The following PRKD1 variants were observed in gnomAD, a reference collection of about 807,000 sequenced individuals.
PRKD1 encodes the protein serine/threonine-protein kinase D1.
PRKD1 carries 63 observed loss-of-function variants against 95.9 expected under a neutral mutation model. The ratio of observed to expected loss-of-function variants is 0.66; its 90% confidence interval spans 0.54 to 0.81. The LOEUF is 0.81. Ranked by LOEUF, PRKD1 falls within the 30% of genes least tolerant of loss-of-function variation. The probability of loss-of-function intolerance (pLI) is 0.00; values close to 1 mark genes in which losing one functional copy is unlikely to be tolerated. For synonymous variants in PRKD1, 425 were observed against 423.1 expected (o/e 1.00, Z -0.05); for missense variants, 1,048 against 1,165.3 (o/e 0.90, Z 1.47).
chr14:29,703,314 T>C (rs917188368), intron 2 of PRKD1, among the ~76,000 whole-genome samples: 1 of 152,178 alleles, frequency 6.6e-6, no homozygotes, highest in African/African-American at 2.4e-5. Context: ...TCCACTTCAA[T>C]TGTACTAAGC....
chr14:29,596,925 T>C (rs1893328915), intron 16 of PRKD1, among the ~76,000 whole-genome samples: 1 of 152,118 alleles, frequency 6.6e-6, no homozygotes, highest in African/African-American at 2.4e-5. Flanking sequence ...GTCAAGGTAA[T>C]CTATTCTAAA....
At chr14:29,813,593 C>T (rs537318970) in intron 1 of PRKD1, among the ~76,000 whole-genome samples, 3 of 152,276 alleles carry the variant, frequency 2.0e-5, no homozygotes, top group East Asian at 1.9e-4. Context: ...GAGACAGACA[C>T]TACCCAAAGA....
chr14:29,778,286 C>T (rs1423683494), intron 1 of PRKD1, among the ~76,000 whole-genome samples: 2 of 151,922 alleles, frequency 1.3e-5, no homozygotes, highest in Non-Finnish European at 1.5e-5. Context: ...TAACTAAGAT[C>T]GGAGCAGAAA....
chr14:29,752,946 G>A lies in PRKD1; in HGVS notation c.265-27272C>T, dbSNP rs370112754. 1.6e-4 allele frequency among the ~76,000 whole-genome samples: 24 copies of A among 152,138 alleles called. No individual in the cohort carries two copies. The East Asian group carries it at 3.1e-3, about 20-fold the overall frequency. On this transcript the variant is annotated intron_variant, in intron 1 of 17. Coordinates refer to ENST00000331968, the MANE Select transcript of PRKD1 (RefSeq NM_002742.3). ...CCACTTTCCTCCCAAAGTCATATTA[G>A]GAACAGAGTGTGGGAGGTGTGCAGG...
intron 13 of PRKD1, among the ~76,000 whole-genome samples, chr14:29,604,136 T>C (rs1893622891): frequency 6.6e-6 from 1 of 152,224 alleles, no homozygotes; most frequent in Non-Finnish European, 1.5e-5. Flanking sequence ...TCTAATTTTT[T>C]TGTTTTTACG....
intron 13 of PRKD1, among the ~76,000 whole-genome samples, chr14:29,620,740 A>G (rs10134319): frequency 0.43 from 65,036 of 151,896 alleles, 14,407 homozygotes; most frequent in African/African-American, 0.53. Flanking sequence ...ACTGTAAACT[A>G]GTTCAACCAC....
At chr14:29,601,812 T>A (rs1417340416) in intron 13 of PRKD1, among the ~76,000 whole-genome samples, 1 of 152,184 alleles carries the variant, frequency 6.6e-6, no homozygotes, top group Non-Finnish European at 1.5e-5. Flanking sequence ...CTCATTTCCT[T>A]TTCCTTACAT....
At chr14:29,813,449 A>C (rs897430065) in intron 1 of PRKD1, among the ~76,000 whole-genome samples, 3 of 152,184 alleles carry the variant, frequency 2.0e-5, no homozygotes, top group African/African-American at 7.2e-5. Context: ...CTTCAGGCTG[A>C]CTTCCCAGAG....
chr14:29,745,784 T>C (rs899288791), intron 1 of PRKD1, among the ~76,000 whole-genome samples: 7 of 152,092 alleles, frequency 4.6e-5, no homozygotes, highest in Admixed American at 1.3e-4. Context: ...GCCCATTTTT[T>C]AAAACATTAC....
intron 13 of PRKD1, among the ~76,000 whole-genome samples, chr14:29,623,877 G>A (rs567952575): frequency 6.6e-6 from 1 of 152,244 alleles, no homozygotes; most frequent in Non-Finnish European, 1.5e-5. Flanking sequence ...GTCTCAGCAT[G>A]TCCACTATGA....
intron 1 of PRKD1, among the ~76,000 whole-genome samples, chr14:29,798,777 CA>C (rs1224239379): frequency 1.3e-5 from 2 of 152,118 alleles, no homozygotes; most frequent in African/African-American, 4.8e-5. Context: ...AAATATAACC[CA>C]ACCTTTTTTA....
chr14:29,671,859 G>T (rs1335430552), intron 2 of PRKD1, among the ~76,000 whole-genome samples: 1 of 152,052 alleles, frequency 6.6e-6, no homozygotes, highest in Non-Finnish European at 1.5e-5. Context: ...TAACAGAAGA[G>T]TAATAAATAA....
intron 2 of PRKD1, among the ~76,000 whole-genome samples, chr14:29,674,611 C>T (rs1327319833): frequency 6.6e-6 from 1 of 152,092 alleles, no homozygotes; most frequent in Admixed American, 6.6e-5. Flanking sequence ...ACTGCAGGCA[C>T]CCTGAATAGA....
At chr14:29,614,526 G>A (rs950768419) in intron 13 of PRKD1, among the ~76,000 whole-genome samples, 3 of 151,828 alleles carry the variant, frequency 2.0e-5, no homozygotes, top group African/African-American at 7.3e-5. Flanking sequence ...TGTATTTCCA[G>A]TAATATTTTA....
intron 2 of PRKD1, among the ~76,000 whole-genome samples, chr14:29,684,098 C>T (rs1232579409): frequency 6.6e-6 from 1 of 151,982 alleles, no homozygotes; most frequent in East Asian, 1.9e-4. Context: ...ACCATCTTTT[C>T]CAGGAAGTCT....
At chr14:29,856,928 C>T (rs918174708) in intron 1 of PRKD1, among the ~76,000 whole-genome samples, 2 of 152,124 alleles carry the variant, frequency 1.3e-5, no homozygotes, top group Admixed American at 6.5e-5. Flanking sequence ...GGGAACAGTT[C>T]CTCTGGAATC....
chr14:29,664,703 C>A (rs1882383631), intron 3 of PRKD1, among the ~76,000 whole-genome samples: 4 of 152,160 alleles, frequency 2.6e-5, no homozygotes, highest in African/African-American at 9.7e-5. Context: ...TCTAACCCTG[C>A]CCTCCCAATC....
At chr14:29,915,503 A>G (rs998039875) in intron 1 of PRKD1, among the ~76,000 whole-genome samples, 2 of 152,196 alleles carry the variant, frequency 1.3e-5, no homozygotes, top group African/African-American at 4.8e-5. Context: ...AAATTTCACT[A>G]ATTTCCCCAA....
chr14:29,725,393 T>C, intron 2 of PRKD1, 143 bp downstream of exon 2: 1 of 1,008,850 alleles, frequency 9.9e-7, no homozygotes. Flanking sequence ...GTTTCCCTTT[T>C]TCATGTGGAC....
Sources: gnomAD v4.1 joint callset for allele counts (sites outside exome capture counted in the v4.1 genomes callset) on GRCh38, gnomAD v4.1.1 for gene constraint, MANE v1.5 for transcripts, NCBI Gene and HGNC (gene_info 2026-07-23, HGNC 2026-07-21) for gene names.